ARNT2: variants seen among roughly 807,000 people sequenced by gnomAD.
ARNT2 encodes the protein aryl hydrocarbon receptor nuclear translocator 2.
Under a neutral mutation model 91.7 loss-of-function variants are expected in ARNT2, and 36 were observed. The ratio of observed to expected loss-of-function variants is 0.39; its 90% CI spans 0.30 to 0.52. ARNT2 has a LOEUF of 0.52. Among genes scored for constraint, ARNT2 ranks in the 20% least tolerant of loss-of-function variants. ARNT2 has a pLI of 0.72. For missense variants in ARNT2, 775 were observed against 939.3 expected (o/e 0.83, Z 2.29); for synonymous variants, 365 against 347.1 (o/e 1.05, Z -0.57).
chr15:80,430,697 G>T (rs1034042492), intron 1 of ARNT2, among the ~76,000 whole-genome samples: 4 of 152,170 alleles, frequency 2.6e-5, no homozygotes, highest in African/African-American at 9.7e-5. Context: ...GTTTTTCTTT[G>T]CTCTAGTGGT....
intron 15 of ARNT2, 93 bp from the exon 16 acceptor site, chr15:80,580,318 G>A (rs1898768023): frequency 6.7e-7 from 1 of 1,483,370 alleles, no homozygotes; most frequent in Admixed American, 1.7e-5. Flanking sequence ...GAGCCAGGAA[G>A]ATGGCCCAGG....
chr15:80,434,415 T>A (rs751217598), intron 1 of ARNT2: 2 of 152,246 alleles, frequency 1.3e-5, no homozygotes, highest in Non-Finnish European at 2.9e-5. Flanking sequence ...CTGCGTGGAT[T>A]TTCTTATGCA....
At chr15:80,547,226 G>A (rs565416935) in intron 8 of ARNT2, among the ~76,000 whole-genome samples, 12 of 152,260 alleles carry the variant, frequency 7.9e-5, no homozygotes, top group Admixed American at 7.9e-4. Flanking sequence ...CGCTGATGGC[G>A]TAAAAAGCAT....
At chr15:80,416,248 G>T (rs746854666) in intron 1 of ARNT2, among the ~76,000 whole-genome samples, 1 of 151,952 alleles carries the variant, frequency 6.6e-6, no homozygotes, top group Non-Finnish European at 1.5e-5. Flanking sequence ...TTGTCCCCCA[G>T]ATTCCCCCAT....
intron 8 of ARNT2, among the ~76,000 whole-genome samples, chr15:80,546,969 A>G (rs1412861592): frequency 6.6e-6 from 1 of 152,076 alleles, no homozygotes; most frequent in Non-Finnish European, 1.5e-5. Context: ...TCTCAAAAAA[A>G]AAAACCAAAC....
intron 3 of ARNT2, among the ~76,000 whole-genome samples, chr15:80,460,814 TGAG>T (rs1352691936): frequency 6.6e-6 from 1 of 151,954 alleles, no homozygotes; most frequent in Non-Finnish European, 1.5e-5. Flanking sequence ...TACATCCATG[TGAG>T]GAGGAGAAGT....
intron 2 of ARNT2, among the ~76,000 whole-genome samples, chr15:80,457,180 A>G (rs1420048498): frequency 6.6e-6 from 1 of 152,224 alleles, no homozygotes; most frequent in East Asian, 1.9e-4. Flanking sequence ...GTATTAGTTC[A>G]ACAAATATCT....
At chr15:80,521,233 T>C (rs1450433708) in intron 8 of ARNT2, among the ~76,000 whole-genome samples, 2 of 152,184 alleles carry the variant, frequency 1.3e-5, no homozygotes, top group Non-Finnish European at 2.9e-5. Context: ...AAATCAGTCA[T>C]ATTTGCTTCA....
chr15:80,521,301 T>C (rs570394930), intron 8 of ARNT2, among the ~76,000 whole-genome samples: 1 of 152,272 alleles, frequency 6.6e-6, no homozygotes, highest in Admixed American at 6.5e-5. Context: ...GTTACACTTT[T>C]TTTTTCTAAA....
rs1164920990 is a variant in ARNT2, at chr15:80,563,164, G to A, written c.1241G>A (p.Arg414His). Residue 414 changes from arginine to histidine, a missense_variant, in exon 12 of 19, where the codon CGC becomes CAC. Arg to His is a conservative substitution (Grantham distance 29). Coordinates refer to ENST00000303329, the MANE Select transcript of ARNT2 (RefSeq NM_014862.4). Reference sequence around the variant, plus strand: ...AAGAACCGGGAGTGGATGTTGATCCGCACCAGCAGCTTCACATTCCAGAAT... The same window carrying A: ...AAGAACCGGGAGTGGATGTTGATCCACACCAGCAGCTTCACATTCCAGAAT... ...RTKNREWMLI[R>H]TSSFTFQNPY... 9.3e-6 allele frequency: 15 copies of A among 1,613,946 alleles called. No individual in the cohort carries two copies. Among genetic ancestry groups the A allele is most frequent in the African/African-American group, 1.3e-5 (1 of 74,888 alleles).
intron 11 of ARNT2, among the ~76,000 whole-genome samples, chr15:80,557,820 A>G (rs1165749931): frequency 1.3e-5 from 2 of 152,006 alleles, no homozygotes; most frequent in African/African-American, 4.8e-5. Context: ...CATTGCAGTC[A>G]TTTCCTTGCT....
intron 8 of ARNT2, among the ~76,000 whole-genome samples, chr15:80,546,729 C>T (rs183248589): frequency 1.3e-5 from 2 of 152,222 alleles, no homozygotes; most frequent in Non-Finnish European, 2.9e-5. Context: ...CCTTGGGAGG[C>T]TGAGGCAGGT....
intron 12 of ARNT2, among the ~76,000 whole-genome samples, chr15:80,572,289 C>T (rs1309002867): frequency 6.6e-6 from 1 of 152,080 alleles, no homozygotes; most frequent in Non-Finnish European, 1.5e-5. Flanking sequence ...TGGATGGGGG[C>T]CTCCAGATTC....
chr15:80,561,379 A>G (rs1468964559), intron 11 of ARNT2, among the ~76,000 whole-genome samples: 1 of 152,088 alleles, frequency 6.6e-6, no homozygotes, highest in African/African-American at 2.4e-5. Context: ...CCAGGGGTGT[A>G]ATCACACCCA....
chr15:80,544,803 G>A (rs1023992161), intron 8 of ARNT2, among the ~76,000 whole-genome samples: 5 of 152,200 alleles, frequency 3.3e-5, no homozygotes, highest in Non-Finnish European at 7.3e-5. Context: ...AGGAAGAACA[G>A]TTTAAATGAT....
At position 80,593,679 on chromosome 15, in the gene ARNT2, T is replaced by C; in HGVS notation, c.2135T>C (p.Phe712Ser). 1 of 1,605,138 alleles carries C rather than the reference T, an allele frequency of 6.2e-7. No individual in the cohort carries two copies. Among genetic ancestry groups the C allele is most frequent in the Non-Finnish European group, 8.5e-7 (1 of 1,174,840 alleles). The part of the protein sequence containing the change: ...NIEDFADLGM[F>S]PPFSE ...GAAGACTTTGCCGACCTGGGCATGT[T>C]TCCACCGTTTTCTGAGTAGCTGCGG... The change falls in exon 19 of 19, where the codon TTT becomes TCT. Residue 712 changes from phenylalanine (F) to serine (S), a missense_variant. Transcript: ENST00000303329.
chr15:80,523,163 C>G (rs747771004), intron 8 of ARNT2, among the ~76,000 whole-genome samples: 1 of 152,136 alleles, frequency 6.6e-6, no homozygotes, highest in African/African-American at 2.4e-5. Context: ...AGTTGAGAAA[C>G]CACATTTGTA....
intron 14 of ARNT2, 24 bp downstream of exon 14, chr15:80,575,134 G>A (rs772498468): frequency 2.5e-6 from 4 of 1,610,780 alleles, no homozygotes; most frequent in South Asian, 2.2e-5. Flanking sequence ...TGGTACTGAG[G>A]TTTTGAGAGT....
rs572382963 is a variant in ARNT2, at chr15:80,581,187, G to T, written c.1753-52G>T. On this transcript the variant is annotated intron_variant, in intron 16 of 18. Transcript: ENST00000303329. Reference sequence around the variant, plus strand: ...ACCAGCCTGGGGCATCGGTTGGGGTGCAGGGGTCTGCTGGTGATGCTTTCC... The same window carrying T: ...ACCAGCCTGGGGCATCGGTTGGGGTTCAGGGGTCTGCTGGTGATGCTTTCC... The T allele has an allele frequency of 1.7e-5, 27 of 1,603,656 alleles. No individual in the cohort carries two copies. In the African/African-American group the frequency reaches 3.3e-4, roughly 20 times the overall value.
Sources: allele counts gnomAD v4.1 joint callset (sites outside exome capture counted in the v4.1 genomes callset), GRCh38; gene constraint gnomAD v4.1.1; transcripts MANE v1.5; gene names NCBI Gene and HGNC (gene_info 2026-07-23, HGNC 2026-07-21).